The following WDR70 variants were observed in gnomAD, a reference collection of about 807,000 sequenced individuals.
The protein encoded by WDR70 is WD repeat domain 70, also known as WD repeat-containing protein 70.
Under a neutral mutation model 88.6 loss-of-function variants are expected in WDR70, and 53 were observed. The ratio of observed to expected loss-of-function variants is 0.60; its 90% CI spans 0.48 to 0.75. The LOEUF is 0.75. WDR70 is among the 30% of genes least tolerant of loss of function. The pLI, the probability that WDR70 is intolerant of heterozygous loss-of-function variation, is 0.00. For synonymous variants in WDR70, 280 were observed against 270.0 expected (o/e 1.04, Z -0.36); for missense variants, 610 against 823.2 (o/e 0.74, Z 3.17).
At chr5:37,420,439 T>G (rs947082524) in intron 5 of WDR70, among the ~76,000 whole-genome samples, 20 of 148,134 alleles carry the variant, frequency 1.4e-4, no homozygotes, top group African/African-American at 5.3e-4. Flanking sequence ...AGATTTGTTT[T>G]TTTCTTTTTT....
chr5:37,603,695 T>G lies in WDR70; in HGVS notation c.918-1369T>G, dbSNP rs990431660. Among the ~76,000 whole-genome samples the G allele has an allele frequency of 2.6e-5, 4 of 152,322 alleles. No homozygotes were observed. The South Asian group carries it at 8.3e-4, about 32-fold the overall frequency. On this transcript the variant is annotated intron_variant, in intron 9 of 17. Coordinates refer to ENST00000265107, the MANE Select transcript of WDR70 (RefSeq NM_018034.4). Reference sequence around the variant, plus strand: ...CTAATTAATTTTATTATTGATGAGGTTGAATTTATATCTGCCATATTGCTT... The same window carrying G: ...CTAATTAATTTTATTATTGATGAGGGTGAATTTATATCTGCCATATTGCTT...
chr5:37,711,420 G>T (rs900152125), intron 13 of WDR70, among the ~76,000 whole-genome samples: 3 of 152,130 alleles, frequency 2.0e-5, no homozygotes, highest in African/African-American at 7.2e-5. Context: ...TTCTGTGTAT[G>T]AAATCCCTTA....
chr5:37,400,501 TA>T (rs1325024132), intron 5 of WDR70, among the ~76,000 whole-genome samples: 83 of 152,278 alleles, frequency 5.5e-4, no homozygotes, highest in African/African-American at 1.9e-3. Context: ...AGTGTCTTTA[TA>T]AAAAGAGTCA....
intron 10 of WDR70, among the ~76,000 whole-genome samples, chr5:37,650,265 G>A (rs1157174248): frequency 1.3e-5 from 2 of 151,684 alleles, no homozygotes; most frequent in African/African-American, 2.4e-5. Context: ...GCTGGGTGTG[G>A]TGGTGGGCGC....
chr5:37,719,828 C>T lies in WDR70; in HGVS notation c.1417-1287C>T, dbSNP rs978683819. ...AGAATTTTTATTTCTTTGTTTTTTT[C>T]TTTCTTTCTTTCTTTCTTTTTTTTT... On this transcript the variant is annotated intron_variant, in intron 13 of 17. Coordinates refer to ENST00000265107, the MANE Select transcript of WDR70 (RefSeq NM_018034.4). Among the ~76,000 whole-genome samples, 47 of 129,876 alleles carry T rather than the reference C, an allele frequency of 3.6e-4. No individual in the cohort carries two copies. The South Asian group carries it at 0.01, about 29-fold the overall frequency. 85.2% of individuals were successfully genotyped at this position (129,876 alleles called of 152,430 possible).
At chr5:37,748,976 T>C (rs1045612819) in intron 17 of WDR70, among the ~76,000 whole-genome samples, 31 of 152,172 alleles carry the variant, frequency 2.0e-4, no homozygotes, top group Admixed American at 5.2e-4. Context: ...GGCAAGGCTG[T>C]GGAGAAATAG....
chr5:37,671,156 A>G (rs1581481045), intron 10 of WDR70, among the ~76,000 whole-genome samples: 1 of 151,334 alleles, frequency 6.6e-6, no homozygotes, highest in South Asian at 2.1e-4. Flanking sequence ...CAGATTCCCA[A>G]TGAGGAGAAA....
At chr5:37,627,412 G>A (rs911740825) in intron 10 of WDR70, among the ~76,000 whole-genome samples, 4 of 152,044 alleles carry the variant, frequency 2.6e-5, no homozygotes, top group South Asian at 2.1e-4. Context: ...CCAGGCCTCA[G>A]TCTCAATTTT....
rs562320724 is a variant in WDR70, at chr5:37,693,053, G to A, written c.1093-4602G>A. 1.2e-3 allele frequency among the ~76,000 whole-genome samples: 181 copies of A among 151,028 alleles called. 1 individual carries two copies. Among genetic ancestry groups the A allele is most frequent in the Non-Finnish European group, 1.7e-3 (115 of 68,016 alleles). On this transcript the variant is annotated intron_variant, in intron 10 of 17. Coordinates refer to ENST00000265107, the MANE Select transcript of WDR70 (RefSeq NM_018034.4). ...CAAAATCCATGTGAAAAAATCACAA[G>A]CATTCCTATACACCAATAACAGACA...
intron 10 of WDR70, among the ~76,000 whole-genome samples, chr5:37,606,529 A>G (rs1744035721): frequency 6.6e-6 from 1 of 152,014 alleles, no homozygotes; most frequent in Non-Finnish European, 1.5e-5. Context: ...TTCTCTTAAA[A>G]CCCATACTTT....
intron 7 of WDR70, among the ~76,000 whole-genome samples, chr5:37,449,603 ATAAAAAATAAAAAATAAAT>A (rs1561856852): frequency 7.1e-5 from 5 of 70,648 alleles, no homozygotes; most frequent in Admixed American, 4.1e-4. Context: ...AAAAAAAAAA[ATAAAAAATAAAAAATAAAT>A]AAATAAATAA....
At chr5:37,446,757 A>T (rs1028464675) in intron 7 of WDR70, among the ~76,000 whole-genome samples, 1 of 152,204 alleles carries the variant, frequency 6.6e-6, no homozygotes, top group Non-Finnish European at 1.5e-5. Context: ...CTGAAACTGG[A>T]TCCCTTCCTT....
intron 9 of WDR70, among the ~76,000 whole-genome samples, chr5:37,587,640 A>G (rs1201909305): frequency 6.6e-6 from 1 of 152,142 alleles, no homozygotes; most frequent in African/African-American, 2.4e-5. Context: ...ACACTTTTGT[A>G]TCTCCATGTA....
At chr5:37,750,735 G>A (rs552198410) in intron 17 of WDR70, among the ~76,000 whole-genome samples, 1 of 152,176 alleles carries the variant, frequency 6.6e-6, no homozygotes, top group Non-Finnish European at 1.5e-5. Flanking sequence ...TGCCATGTAA[G>A]ACATAACTTT....
intron 10 of WDR70, among the ~76,000 whole-genome samples, chr5:37,686,194 T>C (rs1347815316): frequency 6.7e-6 from 1 of 149,022 alleles, no homozygotes; most frequent in Non-Finnish European, 1.5e-5. Flanking sequence ...GCTTGTGTTG[T>C]AGTCACAGTA....
At chr5:37,604,753 T>G (rs891527071) in intron 9 of WDR70, among the ~76,000 whole-genome samples, 1 of 152,198 alleles carries the variant, frequency 6.6e-6, no homozygotes, top group African/African-American at 2.4e-5. Context: ...TGATCAGGGG[T>G]AAAGTCAGAA....
At chr5:37,401,040 C>T (rs535296692) in intron 5 of WDR70, among the ~76,000 whole-genome samples, 2 of 152,066 alleles carry the variant, frequency 1.3e-5, no homozygotes, top group African/African-American at 2.4e-5. Context: ...TCTCTGTCAC[C>T]CAGGCTGGAG....
rs541261656 is a variant in WDR70 at position 37,412,512 on chromosome 5, C to T, written c.492+15942C>T. ...TAATTAAATGGAAACTTTAGGATTA[C>T]TGAGGATTTTCATTATCTTTGCTAT... On this transcript the variant is annotated intron_variant, in intron 5 of 17. Coordinates refer to ENST00000265107, the MANE Select transcript of WDR70 (RefSeq NM_018034.4). Among the ~76,000 whole-genome samples, 204 of 151,960 alleles carry T rather than the reference C, an allele frequency of 1.3e-3. 1 individual carries two copies. Among genetic ancestry groups the T allele is most frequent in the Non-Finnish European group, 2.5e-3 (169 of 67,992 alleles).
At chr5:37,382,444 G>T (rs563516564) in intron 3 of WDR70, among the ~76,000 whole-genome samples, 83 of 150,162 alleles carry the variant, frequency 5.5e-4, no homozygotes, top group African/African-American at 2.0e-3. Flanking sequence ...ATGGAGTCTC[G>T]CTTTATTGCT....
Sources: allele counts gnomAD v4.1 joint callset (sites outside exome capture counted in the v4.1 genomes callset), GRCh38; gene constraint gnomAD v4.1.1; transcripts MANE v1.5; gene names NCBI Gene and HGNC (gene_info 2026-07-23, HGNC 2026-07-21).